Variants in LYZL2 observed in about 807,000 individuals in gnomAD.
LYZL2 encodes the protein lysozyme-like protein 2.
Under a neutral mutation model 17.1 loss-of-function variants are expected in LYZL2, and 13 were observed. The observed-to-expected ratio is 0.76, with a 90% CI of 0.49 to 1.21. The LOEUF (loss-of-function observed/expected upper bound fraction) is 1.21. LYZL2 is among the 50% of genes most tolerant of loss of function. LYZL2 has a pLI of 0.00. For missense variants in LYZL2, 166 were observed against 189.2 expected (o/e 0.88, Z 0.72); for synonymous variants, 63 against 74.4 (o/e 0.85, Z 0.79).
At chr10:30,612,655 G>A (rs957958478) in intron 4 of LYZL2, among the ~76,000 whole-genome samples, 167 bp downstream of exon 4, 1 of 152,084 alleles carries the variant, frequency 6.6e-6, no homozygotes, top group African/African-American at 2.4e-5. Flanking sequence ...GTACTACTAT[G>A]TTCACTGCAC....
downstream of LYZL2, among the ~76,000 whole-genome samples, chr10:30,610,034 C>T (rs973478015): frequency 2.0e-5 from 3 of 152,060 alleles, no homozygotes; most frequent in Admixed American, 6.6e-5. Flanking sequence ...GGTATCCAAT[C>T]TTTTGACTTC....
chr10:30,616,912 T>A (rs1162493156), intron 3 of LYZL2, among the ~76,000 whole-genome samples: 1 of 36,616 alleles, frequency 2.7e-5, no homozygotes, highest in Non-Finnish European at 6.1e-5. Context: ...AATATACTTT[T>A]AATTTTTCTA....
chr10:30,606,688 A>G, the LYZL2 span, among the ~76,000 whole-genome samples: 1 of 152,120 alleles, frequency 6.6e-6, no homozygotes. Context: ...GTCTCAGAGG[A>G]GGTGGGCTTA....
Position 30,626,214 on chromosome 10 carries a change from C to T in LYZL2, c.189G>A (p.Thr63=), listed in dbSNP as rs201546071. The change falls in exon 3 of 5, where the codon ACG becomes ACA. Residue 63 remains threonine, a synonymous_variant. Coordinates refer to ENST00000647634, the MANE Select transcript of LYZL2 (RefSeq NM_183058.3). The part of the protein sequence containing the change: ...YESGYNTTAQ[T]VLDDGSIDYG... The stretch of plus-strand genomic sequence containing the variant: ...AGTCGATGCTGCCGTCATCCAGGAC[C>T]GTCTGGGCTGTGGTGTTGTAGCCGC... 2.6e-4 allele frequency: 417 copies of T among 1,614,230 alleles called. 1 individual carries two copies. In the East Asian group the frequency reaches 7.5e-3, roughly 29 times the overall value.
intron 2 of LYZL2, among the ~76,000 whole-genome samples, chr10:30,626,493 A>G (rs1315916227): frequency 6.6e-6 from 1 of 152,194 alleles, no homozygotes; most frequent in Non-Finnish European, 1.5e-5. Context: ...ATCTAGACCA[A>G]CAGTCAGGTC....
intron 3 of LYZL2, among the ~76,000 whole-genome samples, chr10:30,614,633 T>G (rs1348156747): frequency 6.6e-6 from 1 of 152,196 alleles, no homozygotes; most frequent in Non-Finnish European, 1.5e-5. Flanking sequence ...TGCTTGTCAA[T>G]TATGCAAAGA....
At chr10:30,607,681 C>T (rs1488091485), downstream of LYZL2, among the ~76,000 whole-genome samples, 3 of 151,714 alleles carry the variant, frequency 2.0e-5, no homozygotes, top group Admixed American at 2.0e-4. Context: ...CCTAAGGAGC[C>T]TCATGTTACT....
chr10:30,627,935 G>A lies in LYZL2; in HGVS notation c.-25-995C>T, dbSNP rs372944325. ...GGCACTTTGGGAGGCCGAGACGGGC[G>A]GATCACGAGGTCAGGAGATCAAGAC... On this transcript the variant is annotated intron_variant, in intron 1 of 4. Coordinates refer to ENST00000647634, the MANE Select transcript of LYZL2 (RefSeq NM_183058.3). Among the ~76,000 whole-genome samples the A allele has an allele frequency of 4.0e-3, 614 of 152,290 alleles. 4 individuals are homozygous for A. The highest frequency in any genetic ancestry group is 0.014 in the African/African-American group (571 of 41,562).
chr10:30,613,985 C>T (rs1838489517), intron 3 of LYZL2, among the ~76,000 whole-genome samples: 1 of 152,200 alleles, frequency 6.6e-6, no homozygotes, highest in Admixed American at 6.5e-5. Context: ...GCTGGGATTA[C>T]AGACATGAGC....
At position 30,614,246 on chromosome 10, in the gene LYZL2, C is replaced by A. The variant is rs1411497668; in HGVS notation, c.299-1346G>T. On this transcript the variant is annotated intron_variant, in intron 3 of 4. Transcript: ENST00000647634. The stretch of plus-strand genomic sequence containing the variant: ...GCCAGATATTTTCAGCAATCCACAC[C>A]TATGAAAGGAATCGGCTGGGGGGAA... Among the ~76,000 whole-genome samples, 3 of 152,234 alleles carry A rather than the reference C, an allele frequency of 2.0e-5. No individual in the cohort carries two copies. In the East Asian group the frequency reaches 5.8e-4, roughly 29 times the overall value.
Position 30,611,904 on chromosome 10 carries a change from C to G in LYZL2, c.*51G>C. ...AAGATGACACAGGCATTTGGACATT[C>G]ACTGCAAACCCTAGGGCGTTGCTGC... On this transcript the variant is annotated 3_prime_UTR_variant, in exon 5 of 5. Transcript: ENST00000647634. The G allele has an allele frequency of 1.2e-6, 2 of 1,612,988 alleles. No individual in the cohort carries two copies. The highest frequency in any genetic ancestry group is 1.7e-6 in the Non-Finnish European group (2 of 1,179,694).
Position 30,612,796 on chromosome 10 carries a change from C to T in LYZL2, c.377+26G>A, listed in dbSNP as rs774198447. The T allele has an allele frequency of 3.8e-6, 6 of 1,577,986 alleles. No homozygotes were observed. In the Admixed American group the frequency reaches 8.4e-5, roughly 22 times the overall value. On this transcript the variant is annotated intron_variant, in intron 4 of 4. Transcript: ENST00000647634. Reference sequence around the variant, plus strand: ...ACACTAGGTTTTGCCCATGACAGCCCAAGTCTTCCAAGGAAAGACTCTTAC... The same window carrying T: ...ACACTAGGTTTTGCCCATGACAGCCTAAGTCTTCCAAGGAAAGACTCTTAC...
downstream of LYZL2, among the ~76,000 whole-genome samples, chr10:30,608,577 C>A (rs1838399540): frequency 1.3e-5 from 2 of 152,146 alleles, no homozygotes; most frequent in Admixed American, 6.5e-5. Flanking sequence ...TCTGAAGATC[C>A]CCGCAGGGCA....
chr10:30,628,455 C>A (rs1253389812), intron 1 of LYZL2, among the ~76,000 whole-genome samples: 1 of 152,148 alleles, frequency 6.6e-6, no homozygotes. Flanking sequence ...CCCATAGAAT[C>A]GTCTGAAATG....
chr10:30,619,177 A>G (rs1050820864), intron 3 of LYZL2, among the ~76,000 whole-genome samples: 6 of 152,244 alleles, frequency 3.9e-5, no homozygotes, highest in Non-Finnish European at 8.8e-5. Context: ...TCAGGAAACA[A>G]CAGGTGCTAG....
At chr10:30,623,299 A>T (rs1838653566) in intron 3 of LYZL2, among the ~76,000 whole-genome samples, 1 of 152,200 alleles carries the variant, frequency 6.6e-6, no homozygotes, top group Non-Finnish European at 1.5e-5. Flanking sequence ...TATAAAATAC[A>T]CATTTTTTTT....
chr10:30,617,674 CAAAAAAAAAA>C (rs1165550893), intron 3 of LYZL2, among the ~76,000 whole-genome samples: 1 of 50,216 alleles, frequency 2.0e-5, no homozygotes, highest in Non-Finnish European at 3.6e-5. Context: ...GACTCTGTCT[CAAAAAAAAAA>C]AAAAAAAAAA....
chr10:30,624,329 C>T (rs1378958480), intron 3 of LYZL2, among the ~76,000 whole-genome samples: 3 of 152,216 alleles, frequency 2.0e-5, no homozygotes, highest in Admixed American at 1.3e-4. Context: ...ATAATATCTT[C>T]CAGCTTTATT....
intron 3 of LYZL2, among the ~76,000 whole-genome samples, chr10:30,620,616 A>G (rs532925507): frequency 1.3e-5 from 2 of 152,346 alleles, no homozygotes; most frequent in South Asian, 2.1e-4. Flanking sequence ...AAATTATTCC[A>G]TGCGCAGAGG....
Sources: gnomAD v4.1 joint callset for allele counts (sites outside exome capture counted in the v4.1 genomes callset) on GRCh38, gnomAD v4.1.1 for gene constraint, MANE v1.5 for transcripts, NCBI Gene and HGNC (gene_info 2026-07-23, HGNC 2026-07-21) for gene names.